Variants in VPS13A observed in about 807,000 individuals in gnomAD.
The protein encoded by VPS13A is vacuolar protein sorting 13 homolog A.
VPS13A carries 264 observed loss-of-function variants against 390.9 expected under a neutral mutation model. The observed-to-expected ratio is 0.68, with a 90% CI of 0.61 to 0.75. The LOEUF is 0.75. Among genes scored for constraint, VPS13A ranks in the 30% least tolerant of loss-of-function variants. VPS13A has a pLI of 0.00. For missense variants in VPS13A, 3,409 were observed against 3,733.9 expected, an observed-to-expected ratio of 0.91 and a Z score of 2.27; for synonymous variants, 1,231 against 1,227.1, an observed-to-expected ratio of 1.00 and a Z score of -0.07.
intron 45 of VPS13A, among the ~76,000 whole-genome samples, chr9:77,323,517 A>T (rs1005572670): frequency 6.6e-6 from 1 of 152,000 alleles, no homozygotes; most frequent in African/African-American, 2.4e-5. Context: ...TTTGTAATGT[A>T]TTTATATCCT....
chr9:77,294,127 C>T (rs1190963158), intron 32 of VPS13A, among the ~76,000 whole-genome samples: 1 of 151,958 alleles, frequency 6.6e-6, no homozygotes, highest in African/African-American at 2.4e-5. Context: ...TACTCTGTTG[C>T]CCAGTCTGGT....
intron 71 of VPS13A, among the ~76,000 whole-genome samples, chr9:77,410,351 G>T (rs1228934386): frequency 6.6e-6 from 1 of 151,700 alleles, no homozygotes; most frequent in African/African-American, 2.4e-5. Context: ...ATGCCAAATT[G>T]TAAAGACCAT....
At chr9:77,353,377 GT>G (rs368165342) in intron 53 of VPS13A, 31 bp from the exon 54 acceptor site, 85,314 of 1,223,410 alleles carry the variant, frequency 0.07, 3 homozygotes, top group Non-Finnish European at 0.075. Flanking sequence ...TAATTTTTTG[GT>G]TTTTTTTTTT....
chr9:77,251,532 G>A (rs188607624), intron 21 of VPS13A, among the ~76,000 whole-genome samples: 71 of 152,172 alleles, frequency 4.7e-4, no homozygotes, highest in African/African-American at 1.6e-3. Flanking sequence ...GTGAATATAT[G>A]GGATGTGCTT....
chr9:77,411,660 C>CAAAAATAAAAAAAAAA (rs1834930696), intron 71 of VPS13A, among the ~76,000 whole-genome samples: 1 of 33,932 alleles, frequency 2.9e-5, no homozygotes, highest in Non-Finnish European at 5.1e-5. Context: ...AACTCCATCT[C>CAAAAATAAAAAAAAAA]AAAAAAAAAA....
At chr9:77,406,099 G>T in intron 70 of VPS13A, 112 bp downstream of exon 70, 1 of 1,456,624 alleles carries the variant, frequency 6.9e-7, no homozygotes, top group East Asian at 2.3e-5. Context: ...ACTTTGTCCT[G>T]GTGTGGTTTT....
intron 3 of VPS13A, among the ~76,000 whole-genome samples, chr9:77,204,525 C>T (rs1421071410): frequency 6.6e-6 from 1 of 151,724 alleles, no homozygotes; most frequent in Non-Finnish European, 1.5e-5. Flanking sequence ...TGATTATTAC[C>T]ATATGTGTAT....
chr9:77,220,393 T>C lies in VPS13A; in HGVS notation c.989+10T>C. ...ACCATGCCAGAGAATGGTAAATGCC[T>C]TGATTTTTTTTTTTTTTTAGATTTT... On this transcript the variant is annotated intron_variant, in intron 12 of 71. Coordinates refer to ENST00000360280, the MANE Select transcript of VPS13A (RefSeq NM_033305.3). The C allele has an allele frequency of 6.4e-7, 1 of 1,552,874 alleles. No individual in the cohort carries two copies. Among genetic ancestry groups the C allele is most frequent in the Non-Finnish European group, 8.8e-7 (1 of 1,138,844 alleles).
intron 71 of VPS13A, among the ~76,000 whole-genome samples, chr9:77,408,705 G>C (rs1174427587): frequency 6.6e-6 from 1 of 152,228 alleles, no homozygotes; most frequent in Non-Finnish European, 1.5e-5. Context: ...TAGCACAGCA[G>C]TCAGTCTGAG....
rs147421358 is a variant in VPS13A at position 77,221,811 on chromosome 9, C to A, written c.1161+455C>A. Among the ~76,000 whole-genome samples the A allele has an allele frequency of 6.1e-3, 934 of 152,150 alleles. 14 individuals are homozygous for A. The highest frequency in any genetic ancestry group is 0.022 in the African/African-American group (904 of 41,516). On this transcript the variant is annotated intron_variant, in intron 13 of 71. Transcript: ENST00000360280. The stretch of plus-strand genomic sequence containing the variant: ...CGCCTATGCTCATAAATGCTACCTG[C>A]CTTTATCTCTCTACCTACTCAATTC...
intron 33 of VPS13A, among the ~76,000 whole-genome samples, chr9:77,301,758 TGGAAAGGCAAATA>T (rs1828370146): frequency 6.6e-6 from 1 of 152,186 alleles, no homozygotes; most frequent in Non-Finnish European, 1.5e-5. Flanking sequence ...TATAAGTGCT[TGGAAAGGCAAATA>T]TAGTTCAATT....
At chr9:77,324,863 ATTGT>A (rs1829925378) in intron 45 of VPS13A, among the ~76,000 whole-genome samples, 1 of 150,790 alleles carries the variant, frequency 6.6e-6, no homozygotes, top group East Asian at 2.0e-4. Flanking sequence ...TCCGCCTCTC[ATTGT>A]TTAACTTTTT....
chr9:77,226,422 A>G, intron 14 of VPS13A, 44 bp from the exon 15 acceptor site: 1 of 1,561,376 alleles, frequency 6.4e-7, no homozygotes, highest in South Asian at 1.1e-5. Context: ...CAGTTGCTAA[A>G]TAAAGGATAA....
rs967260237 is a variant in VPS13A at position 77,275,610 on chromosome 9, A to G, written c.2625A>G (p.Ser875=). Residue 875 remains serine, a synonymous_variant, in exon 25 of 72, where the codon TCA becomes TCG. Coordinates refer to ENST00000360280, the MANE Select transcript of VPS13A (RefSeq NM_033305.3). ...GAAAGTTACAAAAGCAGGATTGTTC[A>G]GTAAATATGACTACATTTAAAATAA... ...RTRKLQKQDC[S]VNMTTFKIRF... 3.1e-6 allele frequency: 5 copies of G among 1,613,682 alleles called. No individual in the cohort carries two copies. Among genetic ancestry groups the G allele is most frequent in the Non-Finnish European group, 4.2e-6 (5 of 1,179,682 alleles).
intron 24 of VPS13A, 124 bp from the exon 25 acceptor site, chr9:77,275,374 T>C (rs1270347829): frequency 5.3e-6 from 5 of 936,034 alleles, no homozygotes; most frequent in Non-Finnish European, 8.2e-6. Flanking sequence ...ATTTCGGTTC[T>C]CATGTTAATA....
chr9:77,261,053 A>G (rs540182565), intron 23 of VPS13A, among the ~76,000 whole-genome samples: 5 of 151,892 alleles, frequency 3.3e-5, no homozygotes, highest in African/African-American at 1.2e-4. Context: ...GCCCGCCACC[A>G]CGCCAGCTAA....
intron 68 of VPS13A, chr9:77,382,930 A>G (rs769528945): frequency 3.8e-5 from 37 of 985,160 alleles, no homozygotes; most frequent in South Asian, 4.7e-5. Context: ...GTAATCATAT[A>G]TAGGCTATAC....
At chr9:77,376,682 A>G (rs1285827871) in intron 67 of VPS13A, among the ~76,000 whole-genome samples, 1 of 152,204 alleles carries the variant, frequency 6.6e-6, no homozygotes, top group Non-Finnish European at 1.5e-5. Flanking sequence ...TATCTCTTAG[A>G]CATCCAAATG....
Position 77,317,526 on chromosome 9 carries a change from C to T in VPS13A, c.4864-80C>T, listed in dbSNP as rs531989246. ...TTTATTAACTTGTTTATTTGACATA[C>T]CTATTACTAGGAAAGTCTTTAAATA... On this transcript the variant is annotated intron_variant, in intron 39 of 71. Transcript: ENST00000360280. 5.7e-6 allele frequency: 6 copies of T among 1,044,136 alleles called. No homozygotes were observed. In the South Asian group the frequency reaches 9.2e-5, roughly 16 times the overall value. The allele number at this position is 1,044,136 out of a possible 1,614,324, so 64.7% of individuals were successfully genotyped here.
Sources: allele counts gnomAD v4.1 joint callset (sites outside exome capture counted in the v4.1 genomes callset), GRCh38; gene constraint gnomAD v4.1.1; transcripts MANE v1.5; gene names NCBI Gene and HGNC (gene_info 2026-07-23, HGNC 2026-07-21).